Variants in THSD7A observed in about 807,000 individuals in gnomAD.
THSD7A encodes the protein thrombospondin type 1 domain containing 7A.
THSD7A carries 96 observed loss-of-function variants against 231.3 expected under a neutral mutation model. That is an observed-to-expected ratio of 0.41 (90% CI 0.35 to 0.49). THSD7A has a LOEUF of 0.49. Ranked by LOEUF, THSD7A falls within the 20% of genes least tolerant of loss-of-function variation. THSD7A has a pLI of 0.05. For synonymous variants in THSD7A, 940 were observed against 743.3 expected (o/e 1.26, Z -4.30); for missense variants, 2,290 against 2,070.2 (o/e 1.11, Z -2.06).
intron 1 of THSD7A, among the ~76,000 whole-genome samples, chr7:11,769,738 T>G (rs762535618): frequency 6.6e-6 from 1 of 152,162 alleles, no homozygotes; most frequent in Non-Finnish European, 1.5e-5. Flanking sequence ...CAGTTTATTT[T>G]CAGTAAACGT....
At chr7:11,429,666 G>A (rs77288995) in intron 13 of THSD7A, among the ~76,000 whole-genome samples, 6,686 of 152,236 alleles carry the variant, frequency 0.044, 489 homozygotes, top group African/African-American at 0.15. Context: ...AATGTCTCAT[G>A]TTTTACATGC....
intron 1 of THSD7A, among the ~76,000 whole-genome samples, chr7:11,672,994 A>G (rs866788616): frequency 5.3e-5 from 8 of 152,226 alleles, no homozygotes; most frequent in Non-Finnish European, 1.2e-4. Flanking sequence ...AAGATGGCCA[A>G]CTAGAAGCAG....
At chr7:11,395,622 G>C (rs974588157) in intron 23 of THSD7A, among the ~76,000 whole-genome samples, 5 of 151,488 alleles carry the variant, frequency 3.3e-5, no homozygotes, top group Admixed American at 2.0e-4. Context: ...CCACCTCCCA[G>C]GTTAAAGTGA....
intron 15 of THSD7A, 153 bp from the exon 16 acceptor site, chr7:11,424,982 A>T: frequency 2.1e-6 from 2 of 946,922 alleles, no homozygotes; most frequent in Non-Finnish European, 3.1e-6. Context: ...GAGAGAACTC[A>T]AGAGTTCTAG....
At chr7:11,379,374 G>C in intron 25 of THSD7A, 94 bp from the exon 26 acceptor site, 1 of 1,275,018 alleles carries the variant, frequency 7.8e-7, no homozygotes, top group South Asian at 1.3e-5. Flanking sequence ...AACAAGGTTT[G>C]TTTTGGGAAT....
At chr7:11,742,465 G>C (rs1051811641) in intron 1 of THSD7A, among the ~76,000 whole-genome samples, 3 of 151,736 alleles carry the variant, frequency 2.0e-5, no homozygotes, top group Admixed American at 6.6e-5. Flanking sequence ...ATAGCTACTA[G>C]ATGTAAAATC....
rs777527837 is a variant in THSD7A at position 11,541,602 on chromosome 7, T to C, written c.1639A>G (p.Asn547Asp). Reference protein sequence around the residue: ...GFKLRKRRITNEPTGGSGVTG... With the variant: ...GFKLRKRRITDEPTGGSGVTG... ...ACCCCAGAGCCTCCAGTGGGCTCATTGGTAATGCGCCGCTTCCTCAGTTTG... is the reference window on the plus strand; with the variant it reads ...ACCCCAGAGCCTCCAGTGGGCTCATCGGTAATGCGCCGCTTCCTCAGTTTG... The change falls in exon 6 of 28, where the codon AAT (asparagine) becomes GAT (aspartate). Residue 547 changes from asparagine to aspartate, a missense_variant. Transcript: ENST00000423059. 7 of 1,613,818 alleles carry C rather than the reference T, an allele frequency of 4.3e-6. No individual in the cohort carries two copies. Among genetic ancestry groups the C allele is most frequent in the Non-Finnish European group, 5.1e-6 (6 of 1,179,874 alleles).
At chr7:11,606,661 A>C (rs1009943621) in intron 2 of THSD7A, among the ~76,000 whole-genome samples, 3 of 102,830 alleles carry the variant, frequency 2.9e-5, no homozygotes, top group Non-Finnish European at 8.3e-5. Flanking sequence ...ATTTAATAAT[A>C]CTTTTTTATA....
At chr7:11,643,618 C>CAG (rs1782170279) in intron 1 of THSD7A, among the ~76,000 whole-genome samples, 1 of 151,614 alleles carries the variant, frequency 6.6e-6, no homozygotes, top group South Asian at 2.1e-4. Flanking sequence ...CACACACACA[C>CAG]ACACAGATTG....
chr7:11,492,750 T>C (rs1786949373), intron 6 of THSD7A, among the ~76,000 whole-genome samples: 1 of 152,106 alleles, frequency 6.6e-6, no homozygotes, highest in Admixed American at 6.6e-5. Flanking sequence ...TGAAGCAGAA[T>C]CTAATCCAAA....
rs1782018305 is a variant in THSD7A at position 11,370,682 on chromosome 7, T to G, written c.*5112A>C. On this transcript the variant is annotated 3_prime_UTR_variant, in exon 28 of 28. Coordinates refer to ENST00000423059, the MANE Select transcript of THSD7A (RefSeq NM_015204.3). ...TTTACAAAGTAATATTAACAAAAAT[T>G]CTTAGACAGCTGCCTCCTTATTTAA... is the stretch of plus-strand genomic sequence containing the variant. 1 of 152,128 alleles carries G rather than the reference T, an allele frequency of 6.6e-6. No individual in the cohort carries two copies. Among genetic ancestry groups the G allele is most frequent in the African/African-American group, 2.4e-5 (1 of 41,434 alleles). 9.4% of individuals were successfully genotyped at this position (152,128 alleles called of 1,614,324 possible).
At chr7:11,818,068 T>C (rs1784763291) in intron 1 of THSD7A, among the ~76,000 whole-genome samples, 1 of 152,188 alleles carries the variant, frequency 6.6e-6, no homozygotes, top group Non-Finnish European at 1.5e-5. Context: ...AAAATGACTT[T>C]TAAATAGTGC....
In THSD7A at chr7:11,446,736, G is replaced by A. The variant is rs1318205934; in HGVS notation, c.2801-412C>T. On this transcript the variant is annotated intron_variant, in intron 12 of 27. Transcript: ENST00000423059. The surrounding 1 kb of genome is among the most constrained non-coding windows in gnomAD (Gnocchi z 4.0). ...TTTTGCCATTGGCAATATTTCAAAT[G>A]CACCAAGCTTTAGTTCAGAGTGATG... 6.6e-6 allele frequency among the ~76,000 whole-genome samples: 1 copy of A among 152,012 alleles called. No individual in the cohort carries two copies. The highest frequency in any genetic ancestry group is 1.5e-5 in the Non-Finnish European group (1 of 67,998).
chr7:11,663,225 AG>A (rs967819646), intron 1 of THSD7A, among the ~76,000 whole-genome samples: 8 of 151,372 alleles, frequency 5.3e-5, no homozygotes, highest in African/African-American at 1.9e-4. Flanking sequence ...AAAAAATAAG[AG>A]GGTATTATGA....
rs191572653 is a variant in THSD7A at position 11,751,666 on chromosome 7, G to A, written c.190+80091C>T. Among the ~76,000 whole-genome samples the A allele has an allele frequency of 4.6e-5, 7 of 152,008 alleles. No homozygotes were observed. In the East Asian group the frequency reaches 1.4e-3, roughly 30 times the overall value. On this transcript the variant is annotated intron_variant, in intron 1 of 27. Coordinates refer to ENST00000423059, the MANE Select transcript of THSD7A (RefSeq NM_015204.3). ...AGTCTAATCTTGATCAGAGAAACAA[G>A]GGCATTCCTGTCAAATTAAAAATGT...
At chr7:11,585,328 C>T (rs920709896) in intron 4 of THSD7A, among the ~76,000 whole-genome samples, 4 of 152,144 alleles carry the variant, frequency 2.6e-5, no homozygotes, top group African/African-American at 9.7e-5. Flanking sequence ...CTGTTCTCTC[C>T]CACAAGATAT....
intron 6 of THSD7A, among the ~76,000 whole-genome samples, chr7:11,534,386 T>A (rs1042916721): frequency 6.6e-5 from 10 of 152,206 alleles, no homozygotes; most frequent in African/African-American, 2.4e-4. Flanking sequence ...CTTGGTCCTC[T>A]TGAAGTTATG....
At chr7:11,622,918 TA>T (rs1345334870) in intron 2 of THSD7A, among the ~76,000 whole-genome samples, 3 of 152,196 alleles carry the variant, frequency 2.0e-5, no homozygotes, top group Non-Finnish European at 4.4e-5. Context: ...AGAAAGGCTT[TA>T]GAGATATCTT....
intron 1 of THSD7A, among the ~76,000 whole-genome samples, chr7:11,699,970 A>T (rs1780534794): frequency 6.6e-6 from 1 of 151,394 alleles, no homozygotes; most frequent in Admixed American, 6.6e-5. Flanking sequence ...CTTACTTAAA[A>T]GCAGAGTCAG....
Sources: gnomAD v4.1 joint callset for allele counts (sites outside exome capture counted in the v4.1 genomes callset) on GRCh38, gnomAD v4.1.1 for gene constraint, Gnocchi (gnomAD v3.1) non-coding constraint, MANE v1.5 for transcripts, NCBI Gene and HGNC (gene_info 2026-07-23, HGNC 2026-07-21) for gene names.